Variants in MYH11 observed in about 807,000 individuals in gnomAD.
MYH11 encodes myosin-11.
In MYH11, 80 loss-of-function variants were observed where a neutral mutation model predicts 246.6. That is an observed-to-expected ratio of 0.32 (90% CI 0.27 to 0.39). The LOEUF is 0.39. MYH11 is among the 10% of genes least tolerant of loss of function. The pLI is 1.00. For synonymous variants in MYH11, 1,071 were observed against 1,015.5 expected (o/e 1.05, Z -1.04); for missense variants, 2,158 against 2,546.8 (o/e 0.85, Z 3.29).
rs1555569336 is a variant in MYH11 at position 15,788,077 on chromosome 16, C to CTTTTTTTTTTTTTTTTTTTTTT, written c.531-1346_531-1345insAAAAAAAAAAAAAAAAAAAAAA. Among the ~76,000 whole-genome samples, 182 of 55,360 alleles carry CTTTTTTTTTTTTTTTTTTTTTT rather than the reference C, an allele frequency of 3.3e-3. 51 individuals are homozygous for CTTTTTTTTTTTTTTTTTTTTTT. The highest frequency in any genetic ancestry group is 5.7e-3 in the African/African-American group (93 of 16,174). 36.3% of individuals were successfully genotyped at this position (55,360 alleles called of 152,430 possible). ...GTCCTCCTGGAATATGAAGGTAGATCTTTTTTTTTTTTTTTTTTACCAAGA... is the reference window on the plus strand; with the variant it reads ...GTCCTCCTGGAATATGAAGGTAGATCTTTTTTTTTTTTTTTTTTTTTTTTTTTTTTTTTTTTTTTTACCAAGA... On this transcript the variant is annotated intron_variant, in intron 4 of 40. Transcript: ENST00000300036.
At chr16:15,824,660 G>A (rs1282259280) in intron 2 of MYH11, among the ~76,000 whole-genome samples, 2 of 152,152 alleles carry the variant, frequency 1.3e-5, no homozygotes, top group Admixed American at 6.5e-5. Flanking sequence ...AGAGGGATCC[G>A]CAGTCATACA....
chr16:15,758,953 G>C (rs2041801578), intron 12 of MYH11, among the ~76,000 whole-genome samples: 1 of 144,972 alleles, frequency 6.9e-6, no homozygotes, highest in Admixed American at 6.9e-5. Flanking sequence ...GACAGAGCAA[G>C]ACTCTGTCTC....
rs1330135103 is a variant in MYH11 at position 15,750,899 on chromosome 16, G to A, written c.1865-568C>T. ...GAATATCTTGAGTAGTGAGGTGTGC[G>A]TAGAAAAATAAAAATAGGGTAAAGC... On this transcript the variant is annotated intron_variant, in intron 15 of 40. Coordinates refer to ENST00000300036, the MANE Select transcript of MYH11 (RefSeq NM_002474.3). The surrounding 1 kb of genome is among the most constrained non-coding windows in gnomAD (Gnocchi z 4.3). Among the ~76,000 whole-genome samples, 2 of 152,064 alleles carry A rather than the reference G, an allele frequency of 1.3e-5. No individual in the cohort carries two copies. The highest frequency in any genetic ancestry group is 6.6e-5 in the Admixed American group (1 of 15,250).
chr16:15,813,192 G>GT (rs557654524), intron 3 of MYH11, among the ~76,000 whole-genome samples: 12,149 of 150,960 alleles, frequency 0.08, 589 homozygotes, highest in African/African-American at 0.13. Flanking sequence ...AAAAACAGTT[G>GT]TTTTTTTTTA....
At chr16:15,745,952 T>C (rs2151257820) in intron 19 of MYH11, among the ~76,000 whole-genome samples, 1 of 152,186 alleles carries the variant, frequency 6.6e-6, no homozygotes, top group East Asian at 1.9e-4. Context: ...GGTCTGGCTC[T>C]GCGGCCCAGG....
rs904111990 is a variant in MYH11 at position 15,714,581 on chromosome 16, C to T, written c.5786+328G>A. 17 of 479,296 alleles carry T rather than the reference C, an allele frequency of 3.5e-5. No homozygotes were observed. The East Asian group carries it at 3.9e-4, about 11-fold the overall frequency. 29.7% of individuals were successfully genotyped at this position (479,296 alleles called of 1,614,324 possible). On this transcript the variant is annotated intron_variant, in intron 40 of 40. Transcript: ENST00000300036. Reference sequence around the variant, plus strand: ...GTGGTGTTGCAGCTTCAATGGATGTCGTGAAGACTCAGTGATGCAATGAAG... The same window carrying T: ...GTGGTGTTGCAGCTTCAATGGATGTTGTGAAGACTCAGTGATGCAATGAAG...
chr16:15,753,563 C>T, intron 14 of MYH11, 55 bp from the exon 15 acceptor site: 2 of 1,393,614 alleles, frequency 1.4e-6, no homozygotes, highest in Non-Finnish European at 1.0e-6. Context: ...ACTTAGAAAC[C>T]AAGGCCAGGA....
Position 15,784,878 on chromosome 16 carries a change from T to C in MYH11, c.633+1752A>G, listed in dbSNP as rs2042432765. ...TCCTTGATACTGTTTCTTTTCTCTC[T>C]GTTTAGCTGCAGGAATACGATCACA... On this transcript the variant is annotated intron_variant, in intron 5 of 40. Transcript: ENST00000300036. 3 of 742,668 alleles carry C rather than the reference T, an allele frequency of 4.0e-6. No homozygotes were observed. In the Admixed American group the frequency reaches 6.9e-5, roughly 17 times the overall value. 46.0% of individuals were successfully genotyped at this position (742,668 alleles called of 1,614,324 possible). A position where few individuals can be genotyped will look rare whatever the true frequency, so the allele number is the denominator to read the frequency against.
intron 37 of MYH11, chr16:15,717,905 A>G (rs1189159893): frequency 1.3e-5 from 4 of 301,870 alleles, no homozygotes; most frequent in Non-Finnish European, 2.6e-5. Flanking sequence ...TGTTCACCCT[A>G]CACCACAAGG....
intron 3 of MYH11, among the ~76,000 whole-genome samples, chr16:15,807,693 G>A (rs1443415294): frequency 6.6e-6 from 1 of 152,006 alleles, no homozygotes; most frequent in Non-Finnish European, 1.5e-5. Context: ...CAGATCCCTG[G>A]GGCTCATGTC....
At chr16:15,717,382 C>T in intron 37 of MYH11, 34 bp from the exon 38 acceptor site, 1 of 1,600,042 alleles carries the variant, frequency 6.2e-7, no homozygotes, top group East Asian at 2.2e-5. Context: ...GAGGCGGACT[C>T]AGGGAAGCCC....
Position 15,759,664 on chromosome 16 carries a change from G to C in MYH11, c.1313C>G (p.Thr438Ser), listed in dbSNP as rs1023259838. The C allele has an allele frequency of 6.2e-7, 1 of 1,614,206 alleles. No individual in the cohort carries two copies. The highest frequency in any genetic ancestry group is 8.5e-7 in the Non-Finnish European group (1 of 1,180,036). Residue 438 changes from threonine to serine, a missense_variant, in exon 12 of 41, where the codon ACC becomes AGC. Thr to Ser is a moderately conservative substitution (Grantham distance 58). Transcript: ENST00000300036. ...TYERLFRWIL[T>S]RVNKALDKTH... is the part of the protein sequence containing the mutation. ...CTTGTCCAGGGCTTTGTTCACGCGG[G>C]TGAGTATCCAGCGGAAAAGGCGCTC...
chr16:15,808,329 G>C (rs1045689027), intron 3 of MYH11, among the ~76,000 whole-genome samples: 3 of 152,174 alleles, frequency 2.0e-5, no homozygotes, highest in Admixed American at 6.5e-5. Flanking sequence ...AACAACTGGA[G>C]TAAGCACAGT....
At chr16:15,838,949 T>G (rs2043980605) in intron 1 of MYH11, among the ~76,000 whole-genome samples, 1 of 150,116 alleles carries the variant, frequency 6.7e-6, no homozygotes, top group African/African-American at 2.5e-5. Context: ...CGCTGCAAAA[T>G]AAGAGTCCTC....
intron 36 of MYH11, chr16:15,718,952 A>C (rs1168887203): frequency 2.1e-6 from 1 of 473,046 alleles, no homozygotes; most frequent in East Asian, 4.3e-5. Flanking sequence ...ACATGGTGAA[A>C]CCCCACCTCT....
In MYH11 at chr16:15,745,211, A is replaced by AGCT. The variant is rs1167886887; in HGVS notation, c.2435_2437dup (p.Gln812dup). The AGCT allele has an allele frequency of 6.2e-7, 1 of 1,613,764 alleles. No individual in the cohort carries two copies. Among genetic ancestry groups the AGCT allele is most frequent in the East Asian group, 2.2e-5 (1 of 44,866 alleles). The stretch of plus-strand genomic sequence containing the variant: ...CCTCTGAATCACCTTCATGGCGGTC[A>AGCT]GCTGCTGCTGCCTCTTGGCAAAAGC... On this transcript the variant is annotated inframe_insertion, in exon 20 of 41. Transcript: ENST00000300036.
intron 2 of MYH11, among the ~76,000 whole-genome samples, chr16:15,826,996 C>CAA (rs10573425): frequency 1.7e-4 from 10 of 57,980 alleles, no homozygotes; most frequent in East Asian, 8.0e-4. Context: ...GAACCCATCT[C>CAA]AAAAAAAAAA....
At chr16:15,786,524 A>G (rs1392799741) in intron 5 of MYH11, 106 bp downstream of exon 5, 1 of 1,098,154 alleles carries the variant, frequency 9.1e-7, no homozygotes, top group Non-Finnish European at 1.4e-6. Flanking sequence ...GGGTAGTCAG[A>G]TGGGGCCTGA....
intron 40 of MYH11, chr16:15,713,996 T>G (rs778090337): frequency 6.6e-6 from 1 of 152,124 alleles, no homozygotes; most frequent in African/African-American, 2.4e-5. Flanking sequence ...GAGGGTCAAA[T>G]TGTGAGGGCT....
Sources: allele counts gnomAD v4.1 joint callset (sites outside exome capture counted in the v4.1 genomes callset), GRCh38; gene constraint gnomAD v4.1.1; non-coding constraint Gnocchi (gnomAD v3.1); transcripts MANE v1.5; gene names NCBI Gene and HGNC (gene_info 2026-07-23, HGNC 2026-07-21).